The following DENND4A variants were observed in gnomAD, a reference collection of about 807,000 sequenced individuals.
DENND4A encodes the protein DENN domain containing 4A, also known as C-myc promoter-binding protein.
A neutral mutation model predicts 199.3 loss-of-function variants in DENND4A; 70 were observed. The ratio of observed to expected loss-of-function variants is 0.35; its 90% CI spans 0.29 to 0.43. DENND4A has a LOEUF of 0.43. DENND4A is among the 20% of genes least tolerant of loss of function. The pLI, the probability that DENND4A is intolerant of heterozygous loss-of-function variation, is 1.00. For synonymous variants in DENND4A, 686 were observed against 766.9 expected, an observed-to-expected ratio of 0.89 and a Z score of 1.74; for missense variants, 1,723 against 2,255.8, an observed-to-expected ratio of 0.76 and a Z score of 4.78.
In DENND4A at chr15:65,664,575, T is replaced by C. The variant is rs371651460; in HGVS notation, c.5507A>G (p.His1836Arg). 4 of 1,612,358 alleles carry C rather than the reference T, an allele frequency of 2.5e-6. No homozygotes were observed. The highest frequency in any genetic ancestry group is 1.7e-4 in the Middle Eastern group (1 of 5,984). Reference protein sequence around the residue: ...QILETLNKCPHFKRQRSLYRE... With the variant: ...QILETLNKCPRFKRQRSLYRE... Reference sequence around the variant, plus strand: ...AAGGACTTACCTCTGTCTTTTAAAATGTGGACACTTATTCAGTGTCTCTAA... The same window carrying C: ...AAGGACTTACCTCTGTCTTTTAAAACGTGGACACTTATTCAGTGTCTCTAA... The change falls in exon 31 of 33, where the codon CAT (histidine) becomes CGT (arginine). Residue 1836 changes from histidine (H) to arginine (R), a missense_variant. Coordinates refer to ENST00000443035, the MANE Select transcript of DENND4A (RefSeq NM_001320835.1).
At chr15:65,703,826 T>C (rs1195034249) in intron 15 of DENND4A, among the ~76,000 whole-genome samples, 3 of 152,118 alleles carry the variant, frequency 2.0e-5, no homozygotes, top group Non-Finnish European at 4.4e-5. Flanking sequence ...CTGGACAACA[T>C]AGTGAAACTT....
At chr15:65,748,265 A>C (rs75681517) in intron 4 of DENND4A, among the ~76,000 whole-genome samples, 5,864 of 151,950 alleles carry the variant, frequency 0.039, 387 homozygotes, top group African/African-American at 0.14. Context: ...GGAAAAATTT[A>C]AAAATTAAAC....
At chr15:65,664,996 T>A (rs759144310) in intron 30 of DENND4A, 1 of 459,734 alleles carries the variant, frequency 2.2e-6, no homozygotes, top group African/African-American at 2.0e-5. Flanking sequence ...ATCAGCAGCC[T>A]GGGATGGAAA....
intron 20 of DENND4A, among the ~76,000 whole-genome samples, chr15:65,699,611 TAC>T (rs1212092735): frequency 2.7e-5 from 4 of 149,216 alleles, no homozygotes; most frequent in African/African-American, 9.8e-5. Flanking sequence ...ATATGTATTA[TAC>T]ACACATGTTA....
chr15:65,673,624 AAGG>A (rs1327845040), intron 24 of DENND4A, among the ~76,000 whole-genome samples: 1 of 149,490 alleles, frequency 6.7e-6, no homozygotes, highest in Non-Finnish European at 1.5e-5. Flanking sequence ...AATAAATAAC[AAGG>A]AGGAAAAAAA....
chr15:65,673,889 C>CT (rs2076291755), intron 24 of DENND4A, among the ~76,000 whole-genome samples: 1 of 152,132 alleles, frequency 6.6e-6, no homozygotes, highest in African/African-American at 2.4e-5. Context: ...CCTTTTGTAT[C>CT]TAACTAATCT....
rs1377630905 is a variant in DENND4A at position 65,660,189 on chromosome 15, T to C, written c.*1662A>G. On this transcript the variant is annotated 3_prime_UTR_variant, in exon 33 of 33. Coordinates refer to ENST00000443035, the MANE Select transcript of DENND4A (RefSeq NM_001320835.1). Reference sequence around the variant, plus strand: ...TATTTACAAAGGAGAGGCAGATATATGTGCCTAGCACCAGATTTTTCAAGT... The same window carrying C: ...TATTTACAAAGGAGAGGCAGATATACGTGCCTAGCACCAGATTTTTCAAGT... 1 of 856,066 alleles carries C rather than the reference T, an allele frequency of 1.2e-6. No homozygotes were observed. 53.0% of individuals were successfully genotyped at this position (856,066 alleles called of 1,614,324 possible).
intron 3 of DENND4A, among the ~76,000 whole-genome samples, chr15:65,755,243 T>C (rs994265403): frequency 2.0e-5 from 3 of 152,188 alleles, no homozygotes; most frequent in Admixed American, 6.5e-5. Flanking sequence ...AGTTAGGAAA[T>C]TGGGTAGCAA....
rs746641939 is a variant in DENND4A at position 65,691,457 on chromosome 15, C to A, written c.3137G>T (p.Arg1046Leu). ...CCTGAAGCATCTACTTTGAATGTTTCGTGTTTCATTTGTATCTTCAAGAGA... is the reference window on the plus strand; with the variant it reads ...CCTGAAGCATCTACTTTGAATGTTTAGTGTTTCATTTGTATCTTCAAGAGA... ...ISSLEDTNET[R>L]NIQSRCFRKR... Residue 1046 changes from arginine to leucine, a missense_variant, in exon 23 of 33, where the codon CGA becomes CTA. This residue lies in a region of DENND4A where 650 missense variants were observed against 738.1 expected (regional missense o/e 0.88). Coordinates refer to ENST00000443035, the MANE Select transcript of DENND4A (RefSeq NM_001320835.1). The A allele has an allele frequency of 1.2e-6, 2 of 1,612,388 alleles. No individual in the cohort carries two copies. Among genetic ancestry groups the A allele is most frequent in the Non-Finnish European group, 1.7e-6 (2 of 1,179,166 alleles).
chr15:65,736,746 A>C (rs940475839), intron 7 of DENND4A, among the ~76,000 whole-genome samples: 24 of 152,302 alleles, frequency 1.6e-4, no homozygotes, highest in African/African-American at 3.6e-4. Flanking sequence ...GTGGGAGGCC[A>C]GGCTTTCTTT....
At chr15:65,745,117 T>C (rs1057298877) in intron 4 of DENND4A, among the ~76,000 whole-genome samples, 14 of 152,212 alleles carry the variant, frequency 9.2e-5, no homozygotes, top group African/African-American at 3.4e-4. Context: ...AATAGCACTA[T>C]ATGATCATTT....
chr15:65,790,903 C>T (rs559423511), intron 1 of DENND4A, among the ~76,000 whole-genome samples: 2 of 152,166 alleles, frequency 1.3e-5, no homozygotes, highest in South Asian at 2.1e-4. Flanking sequence ...TTAGCGTAAC[C>T]GGGGCTACGC....
In DENND4A at chr15:65,701,864, G is replaced by C. The variant is rs375881078; in HGVS notation, c.2457C>G (p.Leu819=). Residue 819 remains leucine, a synonymous_variant, in exon 18 of 33, where the codon CTC becomes CTG. Transcript: ENST00000443035. The stretch of plus-strand genomic sequence containing the variant: ...GCACTGGCTGATCATATTGTCCACA[G>C]AGTTGCATAAGAATGCGGTAGCATA... ...DEVCYRILMQ[L]CGQYDQPVLA... is the part of the protein sequence containing the mutation. The C allele has an allele frequency of 1.9e-6, 3 of 1,613,792 alleles. No homozygotes were observed. Among genetic ancestry groups the C allele is most frequent in the Non-Finnish European group, 2.5e-6 (3 of 1,179,846 alleles).
chr15:65,715,594 G>C lies in DENND4A; in HGVS notation c.1837C>G (p.Gln613Glu). The change falls in exon 14 of 33, where the codon CAA (glutamine) becomes GAA (glutamate). Residue 613 changes from glutamine (Q) to glutamate (E), a missense_variant. By Grantham distance (29) the Gln-to-Glu change is conservative (BLOSUM62 2). Transcript: ENST00000443035. Reference protein sequence around the residue: ...AFLRSRDRSHQKFYNMMTKTQ... With the variant: ...AFLRSRDRSHEKFYNMMTKTQ... ...TTGGTCATCATGTTATAGAATTTTT[G>C]ATGTGACCGGTCCCGGCTTCTTAAG... The C allele has an allele frequency of 6.3e-7, 1 of 1,583,594 alleles. No individual in the cohort carries two copies. The highest frequency in any genetic ancestry group is 1.3e-5 in the African/African-American group (1 of 74,308).
chr15:65,690,719 C>A lies in DENND4A; in HGVS notation c.3875G>T (p.Arg1292Ile). ...AGAATTAGGAGGCAGACTAGATCTT[C>A]TGCATGCCTTGACCAATGGTGGACT... ...KKSPPLVKAC[R>I]RSSLPPNSPK... The change falls in exon 23 of 33, where the codon AGA becomes ATA. Residue 1292 changes from arginine (R) to isoleucine (I), a missense_variant. This residue lies in a region of DENND4A where 650 missense variants were observed against 738.1 expected (regional missense o/e 0.88). Transcript: ENST00000443035. The A allele has an allele frequency of 3.7e-6, 6 of 1,613,632 alleles. No individual in the cohort carries two copies. Among genetic ancestry groups the A allele is most frequent in the East Asian group, 2.2e-5 (1 of 44,868 alleles).
chr15:65,757,444 G>C (rs926088294), intron 2 of DENND4A, among the ~76,000 whole-genome samples: 1 of 152,142 alleles, frequency 6.6e-6, no homozygotes, highest in Non-Finnish European at 1.5e-5. Context: ...CACATAGATA[G>C]AGAATTGGAA....
intron 32 of DENND4A, 111 bp from the exon 33 acceptor site, chr15:65,662,098 T>C (rs1401775693): frequency 5.7e-4 from 399 of 700,516 alleles, no homozygotes; most frequent in Non-Finnish European, 8.1e-4. Flanking sequence ...CAAGAAGGAA[T>C]TGCTAGGACA....
intron 14 of DENND4A, among the ~76,000 whole-genome samples, chr15:65,708,034 T>C (rs2075122197): frequency 6.6e-6 from 1 of 152,056 alleles, no homozygotes; most frequent in African/African-American, 2.4e-5. Flanking sequence ...TCTTGCTCTG[T>C]TGCCCAGGCT....
intron 2 of DENND4A, among the ~76,000 whole-genome samples, chr15:65,758,795 TC>T (rs1359337845): frequency 5.3e-5 from 8 of 152,190 alleles, no homozygotes; most frequent in African/African-American, 1.9e-4. Flanking sequence ...ACTATAGGTC[TC>T]TTTGGATACT....
Sources: gnomAD v4.1 joint callset for allele counts (sites outside exome capture counted in the v4.1 genomes callset) on GRCh38, gnomAD v4.1.1 for gene constraint, gnomAD v4.1.1 regional missense constraint, MANE v1.5 for transcripts, NCBI Gene and HGNC (gene_info 2026-07-23, HGNC 2026-07-21) for gene names.